The following DPP6 variants were observed in gnomAD, a reference collection of about 807,000 sequenced individuals.
The protein encoded by DPP6 is A-type potassium channel modulatory protein DPP6.
DPP6 carries 69 observed loss-of-function variants against 122.6 expected under a neutral mutation model. The observed-to-expected ratio is 0.56, with a 90% CI of 0.46 to 0.69. The LOEUF is 0.69. Among genes scored for constraint, DPP6 ranks in the 30% least tolerant of loss-of-function variants. The probability of loss-of-function intolerance (pLI) is 0.00; values close to 1 mark genes in which losing one functional copy is unlikely to be tolerated. For missense variants in DPP6, 928 were observed against 1,116.9 expected (o/e 0.83, Z 2.41); for synonymous variants, 418 against 433.1 (o/e 0.97, Z 0.43).
chr7:154,650,685 C>T (rs573196187), intron 6 of DPP6, among the ~76,000 whole-genome samples: 108 of 152,268 alleles, frequency 7.1e-4, no homozygotes, highest in African/African-American at 3.8e-4. Context: ...GGATGTCAGA[C>T]ACCCAAGGGC....
intron 1 of DPP6, among the ~76,000 whole-genome samples, chr7:154,035,024 G>T (rs971865756): frequency 6.6e-6 from 1 of 151,704 alleles, no homozygotes; most frequent in Non-Finnish European, 1.5e-5. Context: ...CCTAGGTCAT[G>T]GTATCCTGAT....
At chr7:154,400,993 G>A (rs1272545139) in intron 1 of DPP6, among the ~76,000 whole-genome samples, 2 of 152,130 alleles carry the variant, frequency 1.3e-5, no homozygotes, top group Non-Finnish European at 2.9e-5. Context: ...ACGAGGTCAG[G>A]AGCTTGAGAC....
At chr7:154,869,151 C>T (rs1184863903) in intron 18 of DPP6, among the ~76,000 whole-genome samples, 2 of 152,164 alleles carry the variant, frequency 1.3e-5, no homozygotes, top group Non-Finnish European at 2.9e-5. Context: ...AGCCACACAC[C>T]TTGCGTTTGC....
intron 16 of DPP6, among the ~76,000 whole-genome samples, chr7:154,831,196 G>A (rs905175368): frequency 2.0e-5 from 3 of 152,288 alleles, no homozygotes; most frequent in East Asian, 1.9e-4. Flanking sequence ...ACGACCAGTC[G>A]TCCACTGTGG....
chr7:154,136,622 C>G (rs1375690866), intron 1 of DPP6, among the ~76,000 whole-genome samples: 1 of 152,196 alleles, frequency 6.6e-6, no homozygotes, highest in African/African-American at 2.4e-5. Context: ...CACATATCTT[C>G]TTCCTTATTA....
intron 8 of DPP6, among the ~76,000 whole-genome samples, chr7:154,736,309 G>A (rs374762458): frequency 3.8e-4 from 58 of 152,220 alleles, no homozygotes; most frequent in African/African-American, 1.3e-3. Context: ...ATAGAGTCAG[G>A]GTTTTGCAGG....
intron 8 of DPP6, among the ~76,000 whole-genome samples, chr7:154,732,012 G>T (rs1842361790): frequency 6.6e-6 from 1 of 151,636 alleles, no homozygotes; most frequent in African/African-American, 2.4e-5. Context: ...GCCACTCTTT[G>T]TTTATAAATT....
At chr7:154,080,655 G>A (rs922413216) in intron 1 of DPP6, among the ~76,000 whole-genome samples, 10 of 152,138 alleles carry the variant, frequency 6.6e-5, no homozygotes, top group East Asian at 1.9e-4. Flanking sequence ...TCATACCTCC[G>A]TCTGTAAGTT....
chr7:153,842,188 G>A, the DPP6 span, among the ~76,000 whole-genome samples: 1 of 152,176 alleles, frequency 6.6e-6, no homozygotes, highest in Non-Finnish European at 1.5e-5. Flanking sequence ...ATGCAAGTGT[G>A]CAGTCCAAGA....
At chr7:154,650,240 G>A (rs1023247162) in intron 6 of DPP6, among the ~76,000 whole-genome samples, 2 of 151,914 alleles carry the variant, frequency 1.3e-5, no homozygotes, top group African/African-American at 2.4e-5. Flanking sequence ...TGGGAGAATC[G>A]CATGAGCCCA....
chr7:154,779,153 A>G, intron 10 of DPP6, among the ~76,000 whole-genome samples: 2 of 8,748 alleles, frequency 2.3e-4, no homozygotes, highest in African/African-American at 3.7e-4. Flanking sequence ...CACCCCCACC[A>G]TCATCTCCAC....
the DPP6 span, among the ~76,000 whole-genome samples, chr7:153,854,351 T>G: frequency 2.0e-4 from 31 of 152,062 alleles, no homozygotes; most frequent in Non-Finnish European, 3.7e-4. Context: ...GACAAAGGGC[T>G]AATATCCAGA....
At position 154,894,001 on chromosome 7, in the gene DPP6, T is replaced by C. The variant is rs1043732764; in HGVS notation, c.*1521T>C. The C allele has an allele frequency of 1.3e-5, 2 of 152,222 alleles. No individual in the cohort carries two copies. Among genetic ancestry groups the C allele is most frequent in the African/African-American group, 4.8e-5 (2 of 41,452 alleles). 9.4% of individuals were successfully genotyped at this position (152,222 alleles called of 1,614,324 possible). On this transcript the variant is annotated 3_prime_UTR_variant, in exon 26 of 26. Coordinates refer to ENST00000377770, the MANE Select transcript of DPP6 (RefSeq NM_130797.4). ...GTTTGGGGCTTTGGGTTTATCCACA[T>C]GAGCTCTGAACGTCCGTTATAGTTA...
chr7:154,840,690 T>G (rs1456138391), intron 16 of DPP6, among the ~76,000 whole-genome samples: 1 of 152,240 alleles, frequency 6.6e-6, no homozygotes, highest in Non-Finnish European at 1.5e-5. Context: ...TATGCTTAAC[T>G]GCTGGCAGCG....
rs372852778 is a variant in DPP6 at position 154,053,138 on chromosome 7, G to C, written c.243+75G>C. On this transcript the variant is annotated intron_variant, in intron 1 of 25. Coordinates refer to ENST00000377770, the MANE Select transcript of DPP6 (RefSeq NM_130797.4). ...CGCGCAGCGAGACGCGTCGGCAGGG[G>C]AAATTTTTTTTGGGGGGGGAATCAG... 2.7e-5 allele frequency: 21 copies of C among 782,076 alleles called. No homozygotes were observed. The East Asian group carries it at 9.8e-4, about 37-fold the overall frequency. The allele number at this position is 782,076 out of a possible 1,614,324, so 48.4% of individuals were successfully genotyped here. A position where few individuals can be genotyped will look rare whatever the true frequency, so the allele number is the denominator to read the frequency against.
intron 1 of DPP6, among the ~76,000 whole-genome samples, chr7:154,356,365 A>G (rs968802165): frequency 6.6e-6 from 1 of 152,230 alleles, no homozygotes; most frequent in Non-Finnish European, 1.5e-5. Context: ...TTTGTTGATT[A>G]ATGATTTATT....
intron 1 of DPP6, among the ~76,000 whole-genome samples, chr7:154,313,491 G>T (rs1167652038): frequency 6.6e-6 from 1 of 151,764 alleles, no homozygotes; most frequent in African/African-American, 2.4e-5. Flanking sequence ...ACAGGTGTTT[G>T]TGGAATAGGT....
chr7:154,227,603 A>G (rs1043495295), intron 1 of DPP6, among the ~76,000 whole-genome samples: 1 of 152,202 alleles, frequency 6.6e-6, no homozygotes, highest in Non-Finnish European at 1.5e-5. Flanking sequence ...AAAAGTTTCA[A>G]GCACCATGGC....
At chr7:154,793,849 A>G (rs560892170) in intron 10 of DPP6, 24 of 528,214 alleles carry the variant, frequency 4.5e-5, no homozygotes, top group East Asian at 4.5e-4. Flanking sequence ...TGCAACTCCC[A>G]GTGTCTTTGG....
Sources: gnomAD v4.1 joint callset for allele counts (sites outside exome capture counted in the v4.1 genomes callset) on GRCh38, gnomAD v4.1.1 for gene constraint, MANE v1.5 for transcripts, NCBI Gene and HGNC (gene_info 2026-07-23, HGNC 2026-07-21) for gene names.